The following CDK14 variants were observed in gnomAD, a reference collection of about 807,000 sequenced individuals.
CDK14 encodes cyclin dependent kinase 14.
Under a neutral mutation model 60.7 loss-of-function variants are expected in CDK14, and 34 were observed. That is an observed-to-expected ratio of 0.56 (90% confidence interval 0.43 to 0.75). CDK14 has a LOEUF of 0.75. Among genes scored for constraint, CDK14 ranks in the 30% least tolerant of loss-of-function variants. CDK14 has a pLI of 0.00. For synonymous variants in CDK14, 197 were observed against 203.7 expected (o/e 0.97, Z 0.28); for missense variants, 482 against 564.1 (o/e 0.85, Z 1.47).
chr7:91,038,134 A>C (rs1488350750), intron 10 of CDK14, among the ~76,000 whole-genome samples: 1 of 152,184 alleles, frequency 6.6e-6, no homozygotes, highest in Non-Finnish European at 1.5e-5. Context: ...TTTAATTTGC[A>C]TTACCATTCT....
At chr7:90,634,843 T>A (rs536743261) in intron 2 of CDK14, among the ~76,000 whole-genome samples, 3 of 152,200 alleles carry the variant, frequency 2.0e-5, no homozygotes, top group East Asian at 3.9e-4. Flanking sequence ...TGTGAGATGG[T>A]ATCTCATTGT....
At chr7:90,817,313 A>T (rs1251043629) in intron 5 of CDK14, among the ~76,000 whole-genome samples, 1 of 152,196 alleles carries the variant, frequency 6.6e-6, no homozygotes, top group South Asian at 2.1e-4. Flanking sequence ...GTATACCCGT[A>T]AGAATCGAAT....
intron 6 of CDK14, among the ~76,000 whole-genome samples, chr7:90,896,271 T>A (rs1383151860): frequency 6.6e-6 from 1 of 152,128 alleles, no homozygotes; most frequent in African/African-American, 2.4e-5. Flanking sequence ...TAGACTTTTT[T>A]AACTTTTTGT....
chr7:90,867,002 C>T (rs1355780692), intron 6 of CDK14, among the ~76,000 whole-genome samples: 1 of 152,108 alleles, frequency 6.6e-6, no homozygotes, highest in African/African-American at 2.4e-5. Flanking sequence ...GAAATGTGCT[C>T]CTTAAGTTGC....
intron 12 of CDK14, among the ~76,000 whole-genome samples, chr7:91,097,635 A>C (rs1799034075): frequency 1.3e-5 from 2 of 151,432 alleles, no homozygotes; most frequent in Non-Finnish European, 2.9e-5. Flanking sequence ...AGATGGAATG[A>C]TACAGGGAAG....
At chr7:90,683,334 G>A (rs1292076683) in intron 2 of CDK14, among the ~76,000 whole-genome samples, 2 of 152,160 alleles carry the variant, frequency 1.3e-5, no homozygotes, top group Non-Finnish European at 1.5e-5. Flanking sequence ...TTATCTGAAT[G>A]GGCAAATAGG....
intron 6 of CDK14, among the ~76,000 whole-genome samples, chr7:90,893,328 G>T (rs189866781): frequency 6.6e-6 from 1 of 152,320 alleles, no homozygotes; most frequent in Admixed American, 6.5e-5. Flanking sequence ...CATAGCCATG[G>T]TAGGGATTGG....
chr7:90,800,916 A>T (rs1162629883), intron 5 of CDK14, among the ~76,000 whole-genome samples: 1 of 151,946 alleles, frequency 6.6e-6, no homozygotes, highest in Non-Finnish European at 1.5e-5. Context: ...TCGTTACATC[A>T]CTTCGATCTC....
chr7:90,942,018 A>G (rs1793951581), intron 8 of CDK14, among the ~76,000 whole-genome samples: 1 of 152,200 alleles, frequency 6.6e-6, no homozygotes, highest in African/African-American at 2.4e-5. Flanking sequence ...TATTTCCAAC[A>G]AGATTTTATG....
intron 5 of CDK14, among the ~76,000 whole-genome samples, chr7:90,848,029 A>T (rs867634672): frequency 6.6e-6 from 1 of 152,016 alleles, no homozygotes; most frequent in Admixed American, 6.6e-5. Flanking sequence ...ATTAACGTTT[A>T]TCTCTGCCTT....
chr7:90,739,013 T>C (rs1477663390), intron 3 of CDK14, among the ~76,000 whole-genome samples: 1 of 152,208 alleles, frequency 6.6e-6, no homozygotes, highest in Non-Finnish European at 1.5e-5. Context: ...TTCTGCATAC[T>C]TAAAATAGGA....
At chr7:91,202,126 C>T (rs905261990) in intron 14 of CDK14, among the ~76,000 whole-genome samples, 2 of 152,282 alleles carry the variant, frequency 1.3e-5, no homozygotes, top group East Asian at 3.9e-4. Flanking sequence ...TCCTCCATCA[C>T]ATGATGCTGA....
At chr7:90,658,538 G>A (rs553389378) in intron 2 of CDK14, among the ~76,000 whole-genome samples, 1 of 152,334 alleles carries the variant, frequency 6.6e-6, no homozygotes, top group Admixed American at 6.5e-5. Flanking sequence ...GAGCATAAAT[G>A]TTCAGATCTT....
intron 14 of CDK14, among the ~76,000 whole-genome samples, chr7:91,204,518 T>TATAAGGGATTAACC (rs1209056124): frequency 6.6e-6 from 1 of 152,158 alleles, no homozygotes; most frequent in Non-Finnish European, 1.5e-5. Flanking sequence ...AAAATCATAC[T>TATAAGGGATTAACC]ATAAGGGATT....
At chr7:91,029,411 T>C (rs2115925965) in intron 10 of CDK14, among the ~76,000 whole-genome samples, 1 of 152,194 alleles carries the variant, frequency 6.6e-6, no homozygotes, top group African/African-American at 2.4e-5. Flanking sequence ...CTTTGGGCAG[T>C]GTGGTCATTT....
chr7:91,167,724 G>A (rs1801388328), intron 14 of CDK14, among the ~76,000 whole-genome samples: 1 of 152,178 alleles, frequency 6.6e-6, no homozygotes, highest in Admixed American at 6.5e-5. Context: ...ACAGCCGACT[G>A]CCTACATGTG....
intron 14 of CDK14, among the ~76,000 whole-genome samples, chr7:91,145,914 CTTGCTTTATTTA>C (rs1197179646): frequency 3.6e-5 from 4 of 110,076 alleles, no homozygotes; most frequent in Admixed American, 1.2e-4. Flanking sequence ...ATTAACCTGG[CTTGCTTTATTTA>C]TTTATTTATT....
intron 2 of CDK14, among the ~76,000 whole-genome samples, chr7:90,634,455 C>T (rs1183638860): frequency 6.6e-6 from 1 of 151,782 alleles, no homozygotes; most frequent in Non-Finnish European, 1.5e-5. Context: ...CTACAAAGGA[C>T]ATGAACTCAT....
chr7:90,926,915 A>C (rs1397274233), intron 8 of CDK14, among the ~76,000 whole-genome samples: 1 of 152,122 alleles, frequency 6.6e-6, no homozygotes, highest in African/African-American at 2.4e-5. Flanking sequence ...CACAGCACTC[A>C]GGAACACATT....
Sources: gnomAD v4.1 joint callset for allele counts (sites outside exome capture counted in the v4.1 genomes callset) on GRCh38, gnomAD v4.1.1 for gene constraint, MANE v1.5 for transcripts, NCBI Gene and HGNC (gene_info 2026-07-23, HGNC 2026-07-21) for gene names.